Variants in EBF1 observed in about 807,000 individuals in gnomAD.
EBF1 encodes EBF transcription factor 1, also known as transcription factor COE1.
Under a neutral mutation model 68.4 loss-of-function variants are expected in EBF1, and 10 were observed. The observed-to-expected ratio is 0.15, with a 90% CI of 0.09 to 0.25. The LOEUF (loss-of-function observed/expected upper bound fraction) is 0.25. EBF1 is among the 10% of genes least tolerant of loss of function. The probability of loss-of-function intolerance (pLI) is 1.00; values close to 1 mark genes in which losing one functional copy is unlikely to be tolerated. For synonymous variants in EBF1, 298 were observed against 299.8 expected, an observed-to-expected ratio of 0.99 and a Z score of 0.06; for missense variants, 509 against 794.4, an observed-to-expected ratio of 0.64 and a Z score of 4.32.
chr5:158,848,440 A>G (rs1437167258), intron 6 of EBF1, among the ~76,000 whole-genome samples: 1 of 152,170 alleles, frequency 6.6e-6, no homozygotes, highest in African/African-American at 2.4e-5. Flanking sequence ...ATATTTTTTG[A>G]GTTTGCTCCC....
intron 4 of EBF1, 47 bp from the exon 5 acceptor site, chr5:159,084,786 GA>G (rs770261650): frequency 0.13 from 129,430 of 1,002,556 alleles, 644 homozygotes; most frequent in African/African-American, 0.2. Context: ...AGGAGTAGCA[GA>G]AAAAAAAAAA....
intron 6 of EBF1, among the ~76,000 whole-genome samples, chr5:159,006,182 C>G (rs1009957047): frequency 2.6e-5 from 4 of 152,164 alleles, no homozygotes; most frequent in African/African-American, 9.7e-5. Context: ...GTTTCCCCAT[C>G]AAGAGAAAAC....
intron 4 of EBF1, among the ~76,000 whole-genome samples, chr5:159,087,441 CAT>C (rs942627906): frequency 2.2e-4 from 16 of 71,480 alleles, no homozygotes; most frequent in Admixed American, 3.4e-4. Context: ...CATATATATA[CAT>C]ATATATATAC....
At chr5:158,980,022 G>A (rs919500738) in intron 6 of EBF1, among the ~76,000 whole-genome samples, 2 of 151,930 alleles carry the variant, frequency 1.3e-5, no homozygotes, top group African/African-American at 4.8e-5. Context: ...CTTCTCCGTT[G>A]GTATTTTATA....
intron 6 of EBF1, among the ~76,000 whole-genome samples, chr5:158,912,618 G>A (rs1277086453): frequency 2.6e-5 from 4 of 152,174 alleles, no homozygotes; most frequent in Non-Finnish European, 4.4e-5. Flanking sequence ...TGACGAACAG[G>A]AGAATTTGGA....
chr5:159,079,484 T>A (rs185466036), intron 5 of EBF1, among the ~76,000 whole-genome samples: 1 of 152,306 alleles, frequency 6.6e-6, no homozygotes, highest in Non-Finnish European at 1.5e-5. Flanking sequence ...AGCATGTACT[T>A]GAATCTCCTC....
In EBF1 at chr5:158,791,190, G is replaced by A. The variant is rs945087115; in HGVS notation, c.909+5155C>T. On this transcript the variant is annotated intron_variant, in intron 9 of 15. Coordinates refer to ENST00000313708, the MANE Select transcript of EBF1 (RefSeq NM_024007.5). ...AAAGATTAGCTGGGTGTGGTGGCAC[G>A]CACCTGTAGTCCCAGCTACTTGGGA... Among the ~76,000 whole-genome samples the A allele has an allele frequency of 9.2e-5, 14 of 151,964 alleles. No individual in the cohort carries two copies. In the South Asian group the frequency reaches 1.5e-3, roughly 16 times the overall value.
At chr5:158,916,015 T>C (rs1807115732) in intron 6 of EBF1, among the ~76,000 whole-genome samples, 1 of 152,194 alleles carries the variant, frequency 6.6e-6, no homozygotes, top group African/African-American at 2.4e-5. Context: ...CTTCAACACC[T>C]GTAGCTCCTG....
Position 158,868,060 on chromosome 5 carries a change from G to A in EBF1, c.555-27950C>T, listed in dbSNP as rs139795638. On this transcript the variant is annotated intron_variant, in intron 6 of 15. Coordinates refer to ENST00000313708, the MANE Select transcript of EBF1 (RefSeq NM_024007.5). ...TATGTAGTTCTGACACAAGGATTTC[G>A]CTCAAATATCAGGGACGGGATTCAA... Among the ~76,000 whole-genome samples the A allele has an allele frequency of 2.9e-3, 439 of 151,902 alleles. 1 individual carries two copies. Among genetic ancestry groups the A allele is most frequent in the African/African-American group, 0.01 (414 of 41,398 alleles).
chr5:158,992,676 ATTG>A (rs1414004964), intron 6 of EBF1, among the ~76,000 whole-genome samples: 1 of 152,080 alleles, frequency 6.6e-6, no homozygotes, highest in African/African-American at 2.4e-5. Context: ...AGTTGTTGCA[ATTG>A]TTTTTTTTGG....
At chr5:159,032,662 G>A (rs371927591) in intron 6 of EBF1, among the ~76,000 whole-genome samples, 6 of 152,066 alleles carry the variant, frequency 3.9e-5, no homozygotes, top group East Asian at 1.9e-4. Context: ...CTATCTCTCC[G>A]AAACCACCCT....
chr5:158,863,468 G>A (rs1356085258), intron 6 of EBF1, among the ~76,000 whole-genome samples: 1 of 152,154 alleles, frequency 6.6e-6, no homozygotes, highest in South Asian at 2.1e-4. Flanking sequence ...TGTATCCTCA[G>A]AACCTGAGAT....
intron 9 of EBF1, among the ~76,000 whole-genome samples, chr5:158,787,193 A>G (rs1777625261): frequency 6.6e-6 from 1 of 152,232 alleles, no homozygotes; most frequent in African/African-American, 2.4e-5. Context: ...GCTGTTTTAA[A>G]TAGAATATAC....
At chr5:158,713,761 T>C (rs1282044390) in intron 12 of EBF1, among the ~76,000 whole-genome samples, 1 of 152,066 alleles carries the variant, frequency 6.6e-6, no homozygotes, top group Non-Finnish European at 1.5e-5. Context: ...GGCCTTGCTA[T>C]ACTTTTTGGA....
chr5:158,906,034 C>T (rs1247983571), intron 6 of EBF1, among the ~76,000 whole-genome samples: 1 of 152,086 alleles, frequency 6.6e-6, no homozygotes, highest in African/African-American at 2.4e-5. Flanking sequence ...CTTTTAGTCT[C>T]TTTGAGGTCA....
At chr5:158,817,836 A>G (rs1230651402) in intron 8 of EBF1, among the ~76,000 whole-genome samples, 2 of 152,164 alleles carry the variant, frequency 1.3e-5, no homozygotes, top group African/African-American at 4.8e-5. Flanking sequence ...TACTGCACCT[A>G]GCTTAATGTC....
intron 11 of EBF1, among the ~76,000 whole-genome samples, chr5:158,721,772 G>T (rs1761980078): frequency 3.3e-5 from 5 of 152,142 alleles, no homozygotes; most frequent in African/African-American, 7.2e-5. Flanking sequence ...CCTGCAAGGG[G>T]ATCTCATAAA....
intron 6 of EBF1, among the ~76,000 whole-genome samples, chr5:159,017,455 A>C (rs1765842820): frequency 6.6e-6 from 1 of 152,222 alleles, no homozygotes; most frequent in Admixed American, 6.5e-5. Context: ...TCCCATTAGA[A>C]GGCACACTGG....
intron 8 of EBF1, among the ~76,000 whole-genome samples, chr5:158,802,840 C>G (rs897123501): frequency 6.6e-6 from 1 of 152,146 alleles, no homozygotes; most frequent in South Asian, 2.1e-4. Flanking sequence ...ACATAGTATG[C>G]TAGTTGCTGC....
Sources: gnomAD v4.1 joint callset for allele counts (sites outside exome capture counted in the v4.1 genomes callset) on GRCh38, gnomAD v4.1.1 for gene constraint, MANE v1.5 for transcripts, NCBI Gene and HGNC (gene_info 2026-07-23, HGNC 2026-07-21) for gene names.